B4GALT2: variants seen among roughly 807,000 people sequenced by gnomAD.
The protein encoded by B4GALT2 is beta-1,4-galactosyltransferase 2.
A neutral mutation model predicts 33.2 loss-of-function variants in B4GALT2; 18 were observed. That is an observed-to-expected ratio of 0.54 (90% CI 0.38 to 0.80). The LOEUF (loss-of-function observed/expected upper bound fraction) is 0.80. Among genes scored for constraint, B4GALT2 ranks in the 30% least tolerant of loss-of-function variants. B4GALT2 has a pLI of 0.00. For missense variants in B4GALT2, 404 were observed against 526.2 expected (o/e 0.77, Z 2.27); for synonymous variants, 214 against 217.6 (o/e 0.98, Z 0.15).
intron 1 of B4GALT2, among the ~76,000 whole-genome samples, 156 bp from the exon 2 acceptor site, chr1:43,980,953 T>C (rs1411562001): frequency 6.6e-6 from 1 of 152,154 alleles, no homozygotes; most frequent in Non-Finnish European, 1.5e-5. Context: ...GGTGTCTGTT[T>C]GGAGGTAAAT....
Position 43,990,381 on chromosome 1 carries a change from G to A in B4GALT2, c.1052G>A (p.Arg351Gln), listed in dbSNP as rs373333463. Residue 351 changes from arginine to glutamine, a missense_variant, in exon 7 of 7, where the codon CGG (arginine) becomes CAG (glutamine). By Grantham distance (43) the Arg-to-Gln change is conservative. Transcript: ENST00000372324. Reference protein sequence around the residue: ...SVRYQVLEVSRQPLFTNITVD... With the variant: ...SVRYQVLEVSQQPLFTNITVD... ...CGGTACCAGGTCTTGGAGGTGTCTCGGCAACCACTCTTCACCAATATCACA... is the reference window on the plus strand; with the variant it reads ...CGGTACCAGGTCTTGGAGGTGTCTCAGCAACCACTCTTCACCAATATCACA... 2.4e-5 allele frequency: 38 copies of A among 1,613,990 alleles called. No homozygotes were observed. Among genetic ancestry groups the A allele is most frequent in the African/African-American group, 4.0e-5 (3 of 74,872 alleles).
Position 43,984,762 on chromosome 1 carries a change from C to A in B4GALT2, c.550-103C>A. The A allele has an allele frequency of 8.1e-7, 1 of 1,231,068 alleles. No homozygotes were observed. Among genetic ancestry groups the A allele is most frequent in the Admixed American group, 2.2e-5 (1 of 45,956 alleles). 76.3% of individuals were successfully genotyped at this position (1,231,068 alleles called of 1,614,324 possible). ...CTGAGAGCCTGGAGGAGCCATGCAG[C>A]GAGGGGGCTGGTAGATCCCCAGAGA... On this transcript the variant is annotated intron_variant, in intron 3 of 6. Coordinates refer to ENST00000372324, the MANE Select transcript of B4GALT2 (RefSeq NM_003780.5). This position sits in a 1 kb window ranked among gnomAD's most constrained non-coding sequence, Gnocchi z 5.6.
chr1:43,980,001 A>G (rs1401319074), intron 1 of B4GALT2: 1 of 1,523,732 alleles, frequency 6.6e-7, no homozygotes, highest in Admixed American at 2.0e-5. Flanking sequence ...GCTGTCTGAG[A>G]GTCTGGATGT....
chr1:43,979,673 T>C lies in B4GALT2; in HGVS notation c.-53+162T>C. 1 of 202,390 alleles carries C rather than the reference T, an allele frequency of 4.9e-6. No homozygotes were observed. 12.5% of individuals were successfully genotyped at this position (202,390 alleles called of 1,614,324 possible). On this transcript the variant is annotated intron_variant, in intron 1 of 6. Transcript: ENST00000372324. The surrounding 1 kb of genome is among the most constrained non-coding windows in gnomAD (Gnocchi z 4.8). ...CTGGCTGCCCCCACCCCGCCCCCAC[T>C]CCGGCGCCCCTCCTGGGCTTCTCCG... is the stretch of plus-strand genomic sequence containing the variant.
Position 43,985,055 on chromosome 1 carries a change from G to A in B4GALT2, c.740G>A (p.Arg247Gln), listed in dbSNP as rs142829585. Reference protein sequence around the residue: ...FAIAMDKFGFRLPYAGYFGGV... With the variant: ...FAIAMDKFGFQLPYAGYFGGV... ...ATTGCCATGGACAAGTTTGGCTTCC[G>A]GTGAGGGCTCTCTTCTCAGCTGGAC... is the stretch of plus-strand genomic sequence containing the variant. Residue 247 changes from arginine (R) to glutamine (Q), a missense_variant and splice_region_variant, in exon 4 of 7, where the codon CGG becomes CAG. Arg to Gln is a conservative substitution (Grantham distance 43). Transcript: ENST00000372324. 16 of 1,613,320 alleles carry A rather than the reference G, an allele frequency of 9.9e-6. No individual in the cohort carries two copies. The highest frequency in any genetic ancestry group is 2.2e-5 in the East Asian group (1 of 44,878).
chr1:43,990,716 A>C lies in B4GALT2; in HGVS notation c.*268A>C. The C allele has an allele frequency of 2.0e-6, 1 of 500,842 alleles. No individual in the cohort carries two copies. The highest frequency in any genetic ancestry group is 3.6e-6 in the Non-Finnish European group (1 of 275,780). The allele number at this position is 500,842 out of a possible 1,614,324, so 31.0% of individuals were successfully genotyped here. The stretch of plus-strand genomic sequence containing the variant: ...CCCTAGCCCAGCCCCAGTCACTGTC[A>C]GGGTCGGGCCAGCCCCTGCACTGCC... On this transcript the variant is annotated 3_prime_UTR_variant, in exon 7 of 7. Transcript: ENST00000372324.
rs1003262498 is a variant in B4GALT2 at position 43,984,581 on chromosome 1, C to T, written c.550-284C>T. Among the ~76,000 whole-genome samples the T allele has an allele frequency of 6.6e-6, 1 of 152,200 alleles. No homozygotes were observed. The highest frequency in any genetic ancestry group is 6.5e-5 in the Admixed American group (1 of 15,286). On this transcript the variant is annotated intron_variant, in intron 3 of 6. Transcript: ENST00000372324. This position sits in a 1 kb window ranked among gnomAD's most constrained non-coding sequence, Gnocchi z 5.6. ...AGCACAGGTACTGCTAACCCCAAGG[C>T]CTGGAGGCAAGGAAGAGTCTGGCAT... is the stretch of plus-strand genomic sequence containing the variant.
At chr1:43,988,239 C>T (rs996426425) in intron 6 of B4GALT2, among the ~76,000 whole-genome samples, 1 of 151,590 alleles carries the variant, frequency 6.6e-6, no homozygotes, top group South Asian at 2.1e-4. Context: ...GACCTCACAC[C>T]GTGGCTCATG....
rs778583923 is a variant in B4GALT2, at chr1:43,985,501, C to G, written c.864-16C>G. ...CTTCCTGGAGCCTGTTCCAGTCTGT[C>G]CGTCCCCATCCTCAGGATCTCCCTG... On this transcript the variant is annotated splice_polypyrimidine_tract_variant and intron_variant, in intron 5 of 6. Transcript: ENST00000372324. 1 of 1,612,068 alleles carries G rather than the reference C, an allele frequency of 6.2e-7. No homozygotes were observed. Among genetic ancestry groups the G allele is most frequent in the Admixed American group, 1.7e-5 (1 of 59,886 alleles).
Position 43,981,877 on chromosome 1 carries a change from A to G in B4GALT2, c.502A>G (p.Ile168Val), listed in dbSNP as rs373711344. The change falls in exon 3 of 7, where the codon ATC becomes GTC. Residue 168 changes from isoleucine to valine, a missense_variant. Coordinates refer to ENST00000372324, the MANE Select transcript of B4GALT2 (RefSeq NM_003780.5). This position sits in a 1 kb window ranked among gnomAD's most constrained non-coding sequence, Gnocchi z 8.1. The stretch of plus-strand genomic sequence containing the variant: ...CTACTGGCTCCACTATCTACACCCC[A>G]TCTTGAGGCGGCAGCGGCTGCGCTA... ...LRYWLHYLHP[I>V]LRRQRLRYGV... is the part of the protein sequence containing the mutation. 301 of 1,613,738 alleles carry G rather than the reference A, an allele frequency of 1.9e-4. No homozygotes were observed. Among genetic ancestry groups the G allele is most frequent in the Non-Finnish European group, 1.8e-4 (211 of 1,179,972 alleles).
At position 43,982,988 on chromosome 1, in the gene B4GALT2, A is replaced by G. The variant is rs926448567; in HGVS notation, c.549+1064A>G. ...TGTTACGCAAGTAGTGGAGAGTGAG[A>G]AAAGAGCGACGTCAGGACAGCGCAA... On this transcript the variant is annotated intron_variant, in intron 3 of 6. Coordinates refer to ENST00000372324, the MANE Select transcript of B4GALT2 (RefSeq NM_003780.5). This position sits in a 1 kb window ranked among gnomAD's most constrained non-coding sequence, Gnocchi z 4.3. 6.6e-6 allele frequency among the ~76,000 whole-genome samples: 1 copy of G among 152,074 alleles called. No homozygotes were observed. The highest frequency in any genetic ancestry group is 1.5e-5 in the Non-Finnish European group (1 of 67,998).
Position 43,981,592 on chromosome 1 carries a change from T to A in B4GALT2, c.314-97T>A, listed in dbSNP as rs2085597500. ...TCCAGGTCTGTTGTAAGAGGGCTAT[T>A]CTTGGGGTTCCCTAGCCCACCCCCA... On this transcript the variant is annotated intron_variant, in intron 2 of 6. Coordinates refer to ENST00000372324, the MANE Select transcript of B4GALT2 (RefSeq NM_003780.5). This position sits in a 1 kb window ranked among gnomAD's most constrained non-coding sequence, Gnocchi z 8.1. 10 of 1,531,872 alleles carry A rather than the reference T, an allele frequency of 6.5e-6. No homozygotes were observed. The South Asian group carries it at 1.0e-4, about 16-fold the overall frequency. The allele number at this position is 1,531,872 out of a possible 1,614,324, so 94.9% of individuals were successfully genotyped here.
In B4GALT2 at chr1:43,984,722, A is replaced by G; in HGVS notation, c.550-143A>G. The G allele has an allele frequency of 2.3e-6, 2 of 864,936 alleles. No homozygotes were observed. The highest frequency in any genetic ancestry group is 3.5e-6 in the Non-Finnish European group (2 of 576,776). The allele number at this position is 864,936 out of a possible 1,614,324, so 53.6% of individuals were successfully genotyped here. On this transcript the variant is annotated intron_variant, in intron 3 of 6. Coordinates refer to ENST00000372324, the MANE Select transcript of B4GALT2 (RefSeq NM_003780.5). This position sits in a 1 kb window ranked among gnomAD's most constrained non-coding sequence, Gnocchi z 5.6. ...CTTTGTAGGCCAGATCCCGGTCGAG[A>G]AGCTGGACTAGATCCTGAGAGCCTG...
At position 43,991,074 on chromosome 1, in the gene B4GALT2, C is replaced by T. The variant is rs779847910; in HGVS notation, c.*626C>T. On this transcript the variant is annotated 3_prime_UTR_variant, in exon 7 of 7. Transcript: ENST00000372324. ...ATCAGTAAGTCTGGTTCCCGCCTCC[C>T]TGTCTGAGAGAGGAGGCAGGAGCCC... The T allele has an allele frequency of 6.3e-6, 1 of 157,968 alleles. No individual in the cohort carries two copies. The highest frequency in any genetic ancestry group is 1.4e-5 in the Non-Finnish European group (1 of 71,072). 9.8% of individuals were successfully genotyped at this position (157,968 alleles called of 1,614,324 possible).
chr1:43,980,398 C>G (rs1218549781), intron 1 of B4GALT2: 1 of 355,226 alleles, frequency 2.8e-6, no homozygotes, highest in South Asian at 1.1e-4. Context: ...AGGGGTGTCC[C>G]CTGCCTTGCC....
chr1:43,987,736 A>G lies in B4GALT2; in HGVS notation c.968+2115A>G, dbSNP rs2154303390. On this transcript the variant is annotated intron_variant, in intron 6 of 6. Coordinates refer to ENST00000372324, the MANE Select transcript of B4GALT2 (RefSeq NM_003780.5). The stretch of plus-strand genomic sequence containing the variant: ...TTACACATTTCATTCTGTGAGAATG[A>G]AAACATGAGCTGCTCGCTCTGACTT... Among the ~76,000 whole-genome samples the G allele has an allele frequency of 1.3e-5, 2 of 152,314 alleles. 1 individual carries two copies. The highest frequency in any genetic ancestry group is 6.8e-3 in the Middle Eastern group (2 of 294).
In B4GALT2 at chr1:43,990,466, T is replaced by G. The variant is rs778750810; in HGVS notation, c.*18T>G. On this transcript the variant is annotated 3_prime_UTR_variant, in exon 7 of 7. Transcript: ENST00000372324. ...GGGGCTGACACTAATGGACAGAGGC[T>G]CTCGGTGCCGAAGATTGCCTGCCAG... The G allele has an allele frequency of 2.5e-6, 4 of 1,613,820 alleles. No homozygotes were observed. The highest frequency in any genetic ancestry group is 3.4e-6 in the Non-Finnish European group (4 of 1,179,946).
Position 43,984,842 on chromosome 1 carries a change from G to A in B4GALT2, c.550-23G>A. On this transcript the variant is annotated intron_variant, in intron 3 of 6. Transcript: ENST00000372324. This position sits in a 1 kb window ranked among gnomAD's most constrained non-coding sequence, Gnocchi z 5.6. Reference sequence around the variant, plus strand: ...GCTTGTTGGTCACAGGCCCAGGGTTGACCTGCTCCTCCCCCTACCCAGCAT... The same window carrying A: ...GCTTGTTGGTCACAGGCCCAGGGTTAACCTGCTCCTCCCCCTACCCAGCAT... 6.2e-7 allele frequency: 1 copy of A among 1,609,130 alleles called. No individual in the cohort carries two copies. Among genetic ancestry groups the A allele is most frequent in the Non-Finnish European group, 8.5e-7 (1 of 1,176,818 alleles).
chr1:43,983,566 G>C (rs1174891928), intron 3 of B4GALT2, among the ~76,000 whole-genome samples: 1 of 152,204 alleles, frequency 6.6e-6, no homozygotes, highest in African/African-American at 2.4e-5. Context: ...AGATTGCAGT[G>C]GGTTGAAGAA....
Sources: allele counts gnomAD v4.1 joint callset (sites outside exome capture counted in the v4.1 genomes callset), GRCh38; gene constraint gnomAD v4.1.1; non-coding constraint Gnocchi (gnomAD v3.1); transcripts MANE v1.5; gene names NCBI Gene and HGNC (gene_info 2026-07-23, HGNC 2026-07-21).